The following KRABD5 variants were observed in gnomAD, a reference collection of about 807,000 sequenced individuals.
KRABD5 encodes the protein KRAB domain-containing protein 5.
At chr16:31,756,171 T>G in the KRABD5 span, 1 of 152,352 alleles carries the variant, frequency 6.6e-6, no homozygotes, top group South Asian at 2.1e-4. Flanking sequence ...CTATAGTAGG[T>G]GAACATCATT....
chr16:31,752,103 A>G, the KRABD5 span, among the ~76,000 whole-genome samples: 1 of 152,088 alleles, frequency 6.6e-6, no homozygotes, highest in South Asian at 2.1e-4. Context: ...TTTTTATTCT[A>G]TTTTAGTCCA....
the KRABD5 span, among the ~76,000 whole-genome samples, chr16:31,740,181 C>T: frequency 0.014 from 2,160 of 152,256 alleles, 190 homozygotes; most frequent in Admixed American, 0.13. Flanking sequence ...ATTCCTCTAG[C>T]GCTGCTGGGT....
chr16:31,734,217 C>G, the KRABD5 span, among the ~76,000 whole-genome samples: 1 of 150,450 alleles, frequency 6.6e-6, no homozygotes, highest in African/African-American at 2.4e-5. Context: ...TGAGAACATT[C>G]AAAAGTCTCT....
At chr16:31,732,769 C>T in the KRABD5 span, among the ~76,000 whole-genome samples, 5 of 152,238 alleles carry the variant, frequency 3.3e-5, no homozygotes, top group South Asian at 2.1e-4. Context: ...AATATTTACT[C>T]ATTAAAATTT....
the KRABD5 span, chr16:31,755,741 T>A: frequency 2.8e-6 from 1 of 361,202 alleles, no homozygotes; most frequent in Non-Finnish European, 5.4e-6. Flanking sequence ...GTGAAAAGAG[T>A]TTTATCCAAA....
chr16:31,760,976 G>A, the KRABD5 span: 14 of 152,246 alleles, frequency 9.2e-5, no homozygotes, highest in South Asian at 2.9e-3. Context: ...AATGTCTAAG[G>A]AATCCTACTT....
At chr16:31,729,601 G>A in the KRABD5 span, among the ~76,000 whole-genome samples, 2 of 152,154 alleles carry the variant, frequency 1.3e-5, no homozygotes, top group Non-Finnish European at 2.9e-5. Context: ...AATTTTGGAA[G>A]TGACATTCAG....
At chr16:31,740,517 T>G in the KRABD5 span, among the ~76,000 whole-genome samples, 14 of 152,274 alleles carry the variant, frequency 9.2e-5, 1 homozygote, top group East Asian at 2.7e-3. Context: ...ATCTTTAAAA[T>G]AGATATTTTG....
the KRABD5 span, among the ~76,000 whole-genome samples, chr16:31,715,029 T>C: frequency 6.6e-6 from 1 of 152,050 alleles, no homozygotes; most frequent in Admixed American, 6.6e-5. Flanking sequence ...GGAGCAAACA[T>C]GATTCAAGGT....
the KRABD5 span, chr16:31,757,189 A>G: frequency 6.6e-6 from 1 of 152,184 alleles, no homozygotes; most frequent in Non-Finnish European, 1.5e-5. Context: ...GGTGCTGTCC[A>G]GGTGTGGTGG....
chr16:31,729,474 C>T, the KRABD5 span, among the ~76,000 whole-genome samples: 2 of 152,150 alleles, frequency 1.3e-5, no homozygotes, highest in Admixed American at 1.3e-4. Flanking sequence ...TGATAATTAA[C>T]CCACTGCTGT....
At chr16:31,735,323 T>C in the KRABD5 span, among the ~76,000 whole-genome samples, 2 of 152,324 alleles carry the variant, frequency 1.3e-5, no homozygotes, top group African/African-American at 4.8e-5. Context: ...TTGGTGTACA[T>C]TTGGATTGAT....
the KRABD5 span, among the ~76,000 whole-genome samples, chr16:31,738,118 G>GT: frequency 6.6e-6 from 1 of 152,178 alleles, no homozygotes; most frequent in Admixed American, 6.5e-5. Context: ...AGCTTAACAG[G>GT]TTGTCTATTG....
chr16:31,716,527 C>T, the KRABD5 span, among the ~76,000 whole-genome samples: 1 of 152,118 alleles, frequency 6.6e-6, no homozygotes, highest in Non-Finnish European at 1.5e-5. Flanking sequence ...GGCATGTGCC[C>T]CCCACACCTG....
At chr16:31,726,451 G>A in the KRABD5 span, among the ~76,000 whole-genome samples, 1 of 152,046 alleles carries the variant, frequency 6.6e-6, no homozygotes, top group East Asian at 1.9e-4. Flanking sequence ...GCTATTTGTG[G>A]TCATTTGTGG....
the KRABD5 span, among the ~76,000 whole-genome samples, chr16:31,721,263 T>C: frequency 6.6e-6 from 1 of 152,138 alleles, no homozygotes; most frequent in Non-Finnish European, 1.5e-5. Flanking sequence ...TTCATGTATG[T>C]ATAGTTACCA....
At chr16:31,752,868 A>G in the KRABD5 span, among the ~76,000 whole-genome samples, 1 of 152,218 alleles carries the variant, frequency 6.6e-6, no homozygotes, top group Non-Finnish European at 1.5e-5. Flanking sequence ...TAAGACAAAG[A>G]TAGATATTTT....
the KRABD5 span, among the ~76,000 whole-genome samples, chr16:31,722,357 G>A: frequency 3.7e-4 from 56 of 152,262 alleles, no homozygotes; most frequent in African/African-American, 1.3e-3. Flanking sequence ...ATGAGCTACC[G>A]CGCCCGGCCT....
the KRABD5 span, among the ~76,000 whole-genome samples, chr16:31,747,168 G>C: frequency 1.5e-5 from 2 of 130,206 alleles, no homozygotes; most frequent in African/African-American, 3.1e-5. Flanking sequence ...AGGCCCCAGT[G>C]TGTGATGTTC....
Sources: allele counts gnomAD v4.1 joint callset (sites outside exome capture counted in the v4.1 genomes callset), GRCh38; gene constraint gnomAD v4.1.1; transcripts MANE v1.5; gene names NCBI Gene and HGNC (gene_info 2026-07-23, HGNC 2026-07-21).